Variants in GORASP2 observed in about 807,000 individuals in gnomAD.
GORASP2 encodes the protein golgi reassembly stacking protein 2.
GORASP2 carries 22 observed loss-of-function variants against 45.7 expected under a neutral mutation model. The ratio of observed to expected loss-of-function variants is 0.48; its 90% CI spans 0.34 to 0.69. The LOEUF (loss-of-function observed/expected upper bound fraction) is 0.69. Among genes scored for constraint, GORASP2 ranks in the 30% least tolerant of loss-of-function variants. The probability of loss-of-function intolerance (pLI) is 0.01; values close to 1 mark genes in which losing one functional copy is unlikely to be tolerated. For synonymous variants in GORASP2, 221 were observed against 215.6 expected (o/e 1.02, Z -0.22); for missense variants, 491 against 562.7 (o/e 0.87, Z 1.29).
At chr2:170,952,462 C>T (rs1484362303) in intron 5 of GORASP2, among the ~76,000 whole-genome samples, 2 of 152,094 alleles carry the variant, frequency 1.3e-5, no homozygotes, top group Non-Finnish European at 1.5e-5. Flanking sequence ...AGAGGCTGAC[C>T]ACATTTCATT....
At chr2:170,960,956 T>C (rs941372992) in intron 7 of GORASP2, among the ~76,000 whole-genome samples, 13 of 152,178 alleles carry the variant, frequency 8.5e-5, no homozygotes, top group Non-Finnish European at 5.9e-5. Context: ...GTGAAAGGTG[T>C]GCTTTCATTT....
chr2:170,929,610 G>T, intron 1 of GORASP2: 1 of 589,480 alleles, frequency 1.7e-6, no homozygotes, highest in South Asian at 1.9e-5. Context: ...GGGGTCCGCG[G>T]CTGTAGGAGG....
intron 5 of GORASP2, 61 bp downstream of exon 5, chr2:170,951,519 G>T: frequency 8.1e-7 from 1 of 1,239,648 alleles, no homozygotes; most frequent in South Asian, 1.5e-5. Context: ...ATATGTTGCA[G>T]ACATTGATTG....
At chr2:170,965,115 A>G (rs1457020567) in intron 9 of GORASP2, among the ~76,000 whole-genome samples, 2 of 151,530 alleles carry the variant, frequency 1.3e-5, no homozygotes, top group African/African-American at 2.4e-5. Context: ...AGGTTTTGCT[A>G]TGTTGCCCAG....
intron 1 of GORASP2, among the ~76,000 whole-genome samples, chr2:170,944,376 C>T (rs1041853144): frequency 1.3e-5 from 2 of 152,044 alleles, no homozygotes; most frequent in Non-Finnish European, 2.9e-5. Flanking sequence ...AAGATACCTA[C>T]CTATGTAATT....
chr2:170,936,497 C>CT, intron 1 of GORASP2: 1 of 451,346 alleles, frequency 2.2e-6, no homozygotes, highest in Non-Finnish European at 4.0e-6. Flanking sequence ...TGGGATTACA[C>CT]TTATGAGCCA....
intron 1 of GORASP2, among the ~76,000 whole-genome samples, chr2:170,937,106 G>C (rs1039907586): frequency 1.3e-5 from 2 of 152,052 alleles, no homozygotes; most frequent in African/African-American, 4.8e-5. Flanking sequence ...TACTCAGGAG[G>C]CTGAGGCAGG....
chr2:170,932,785 G>T (rs1310100981), intron 1 of GORASP2, among the ~76,000 whole-genome samples: 1 of 152,154 alleles, frequency 6.6e-6, no homozygotes, highest in East Asian at 1.9e-4. Flanking sequence ...GTTTCACAAA[G>T]ATTTTGAATA....
rs766469136 is a variant in GORASP2, at chr2:170,956,517, A to G, written c.781A>G (p.Ile261Val). 1.2e-6 allele frequency: 2 copies of G among 1,613,220 alleles called. No homozygotes were observed. Among genetic ancestry groups the G allele is most frequent in the Non-Finnish European group, 1.7e-6 (2 of 1,179,330 alleles). The stretch of plus-strand genomic sequence containing the variant: ...TGAACAGAGTCTGACTGGACTTTCT[A>G]TTAGCTCAACTCCACCAGCTGTCAG... The part of the protein sequence containing the change: ...GIEQSLTGLS[I>V]SSTPPAVSSV... Residue 261 changes from isoleucine to valine, a missense_variant, in exon 7 of 10, where the codon ATT becomes GTT. Physicochemically the swap from Ile to Val is conservative, Grantham distance 29. Around this residue, in one of 2 missense-constraint regions of GORASP2, gnomAD observed 297 missense variants for 292.3 expected, o/e 1.02. Transcript: ENST00000234160.
Position 170,929,289 on chromosome 2 carries a change from G to A in GORASP2, c.-52G>A. The stretch of plus-strand genomic sequence containing the variant: ...GGAGGATTAGAGCAGGCGGTGCGCT[G>A]GGGGCGGGAGCAGCGCGGAGCCCGG... On this transcript the variant is annotated 5_prime_UTR_variant, in exon 1 of 10. Transcript: ENST00000234160. 1.5e-6 allele frequency: 2 copies of A among 1,299,036 alleles called. No homozygotes were observed. The highest frequency in any genetic ancestry group is 2.0e-6 in the Non-Finnish European group (2 of 1,013,844). The allele number at this position is 1,299,036 out of a possible 1,614,324, so 80.5% of individuals were successfully genotyped here. A position where few individuals can be genotyped will look rare whatever the true frequency, so the allele number is the denominator to read the frequency against.
At chr2:170,937,929 G>A (rs763887533) in intron 1 of GORASP2, among the ~76,000 whole-genome samples, 1 of 152,146 alleles carries the variant, frequency 6.6e-6, no homozygotes, top group Non-Finnish European at 1.5e-5. Context: ...TCTAGTGCCA[G>A]CTCTATCACT....
rs1367030475 is a variant in GORASP2, at chr2:170,929,334, C to T, written c.-7C>T. 7.3e-7 allele frequency: 1 copy of T among 1,362,748 alleles called. No individual in the cohort carries two copies. Among genetic ancestry groups the T allele is most frequent in the Non-Finnish European group, 9.4e-7 (1 of 1,059,008 alleles). The allele number at this position is 1,362,748 out of a possible 1,614,324, so 84.4% of individuals were successfully genotyped here. ...GCCCGGCTCGGCCACACCGATCGCC[C>T]GCCGCCATGGGCTCCTCGCAAAGCG... On this transcript the variant is annotated 5_prime_UTR_variant, in exon 1 of 10. Coordinates refer to ENST00000234160, the MANE Select transcript of GORASP2 (RefSeq NM_015530.5).
At chr2:170,929,602 G>C (rs2105306607) in intron 1 of GORASP2, 199 bp downstream of exon 1, 1 of 570,986 alleles carries the variant, frequency 1.8e-6, no homozygotes, top group East Asian at 3.5e-5. Flanking sequence ...CTGGGCACGG[G>C]GTCCGCGGCT....
intron 1 of GORASP2, chr2:170,929,856 G>T: frequency 2.2e-6 from 1 of 449,542 alleles, no homozygotes; most frequent in East Asian, 8.4e-5. Flanking sequence ...CGGGGCCTGC[G>T]GCGGCAGGTG....
intron 1 of GORASP2, among the ~76,000 whole-genome samples, chr2:170,933,199 T>C (rs1385566136): frequency 6.6e-6 from 1 of 152,176 alleles, no homozygotes; most frequent in African/African-American, 2.4e-5. Flanking sequence ...TTTTAAAAAA[T>C]AGCATTTCAG....
At chr2:170,940,601 A>G (rs1432038177) in intron 1 of GORASP2, among the ~76,000 whole-genome samples, 2 of 151,990 alleles carry the variant, frequency 1.3e-5, no homozygotes, top group Non-Finnish European at 2.9e-5. Flanking sequence ...TTTTAATGAT[A>G]CGGGATCAGA....
chr2:170,954,057 C>CT (rs1704365676), intron 5 of GORASP2: 1 of 152,336 alleles, frequency 6.6e-6, no homozygotes, highest in African/African-American at 2.4e-5. Flanking sequence ...GTGATCACAT[C>CT]TTACTAGAAA....
intron 1 of GORASP2, among the ~76,000 whole-genome samples, chr2:170,930,743 CTG>C (rs1364099968): frequency 6.6e-6 from 1 of 152,046 alleles, no homozygotes; most frequent in Non-Finnish European, 1.5e-5. Flanking sequence ...AAGAGCCACA[CTG>C]AGAGAGGAAA....
chr2:170,947,426 C>G (rs767369449), intron 1 of GORASP2, among the ~76,000 whole-genome samples: 16 of 152,302 alleles, frequency 1.1e-4, no homozygotes, highest in Non-Finnish European at 2.1e-4. Context: ...TTTGAATGTT[C>G]TACCCTCTTT....
Sources: allele counts gnomAD v4.1 joint callset (sites outside exome capture counted in the v4.1 genomes callset), GRCh38; gene constraint gnomAD v4.1.1; regional missense constraint gnomAD v4.1.1; transcripts MANE v1.5; gene names NCBI Gene and HGNC (gene_info 2026-07-23, HGNC 2026-07-21).